Variants in RDX observed in about 807,000 individuals in gnomAD.
The protein encoded by RDX is deafness, autosomal recessive 24.
RDX carries 32 observed loss-of-function variants against 83.7 expected under a neutral mutation model. That is an observed-to-expected ratio of 0.38 (90% CI 0.29 to 0.51). RDX has a LOEUF of 0.51. Among genes scored for constraint, RDX ranks in the 20% least tolerant of loss-of-function variants. The pLI, the probability that RDX is intolerant of heterozygous loss-of-function variation, is 0.87. For synonymous variants in RDX, 229 were observed against 222.7 expected (o/e 1.03, Z -0.25); for missense variants, 600 against 689.9 (o/e 0.87, Z 1.46).
At chr11:110,222,907 C>A (rs1467256864) in intron 14 of RDX, among the ~76,000 whole-genome samples, 2 of 152,192 alleles carry the variant, frequency 1.3e-5, no homozygotes, top group Non-Finnish European at 2.9e-5. Flanking sequence ...AAATGACAAG[C>A]AGTTTAACCA....
intron 5 of RDX, among the ~76,000 whole-genome samples, chr11:110,263,173 G>A (rs1425062901): frequency 6.6e-6 from 1 of 151,938 alleles, no homozygotes; most frequent in Non-Finnish European, 1.5e-5. Flanking sequence ...TACTCGGGAG[G>A]CTGAGGCAGG....
chr11:110,227,561 G>A (rs1440117149), downstream of RDX, among the ~76,000 whole-genome samples: 1 of 152,052 alleles, frequency 6.6e-6, no homozygotes. Context: ...CAAATAACAG[G>A]AATCAACAAT....
chr11:110,220,943 C>T (rs990362908), intron 14 of RDX, among the ~76,000 whole-genome samples: 3 of 150,910 alleles, frequency 2.0e-5, no homozygotes, highest in Non-Finnish European at 2.9e-5. Context: ...ATCCCTATAC[C>T]CCTAATTTGG....
At position 110,200,126 on chromosome 11, in the gene RDX, T is replaced by G. The variant is rs768919155; in HGVS notation, c.1749-448A>C. ...TGATTAACCGAGGCATTGTTAAAGT[T>G]ATTTTCAGGTAGCAACCAGACTAAT... On this transcript the variant is annotated intron_variant, in intron 14 of 15. Coordinates refer to the RDX transcript ENST00000528498. Among the ~76,000 whole-genome samples, 136 of 152,254 alleles carry G rather than the reference T, an allele frequency of 8.9e-4. 1 individual carries two copies. Among genetic ancestry groups the G allele is most frequent in the Non-Finnish European group, 1.9e-4 (13 of 68,040 alleles).
In RDX at chr11:110,289,995, C is replaced by T. The variant is rs1013439941; in HGVS notation, c.-65+6472G>A. Among the ~76,000 whole-genome samples the T allele has an allele frequency of 4.7e-5, 5 of 106,940 alleles. No homozygotes were observed. The South Asian group carries it at 9.2e-4, about 20-fold the overall frequency. 70.2% of individuals were successfully genotyped at this position (106,940 alleles called of 152,430 possible). On this transcript the variant is annotated intron_variant, in intron 1 of 13. Transcript: ENST00000645495. ...AAAAAAAAAAAAACAAGGGTCCTTA[C>T]GTTGCATTAATGCATCCACATTATT... is the stretch of plus-strand genomic sequence containing the variant.
intron 15 of RDX, among the ~76,000 whole-genome samples, chr11:110,189,764 A>C (rs1374989816): frequency 6.6e-6 from 1 of 152,246 alleles, no homozygotes; most frequent in East Asian, 1.9e-4. Context: ...CTTTTCAGTA[A>C]ACAATGAAAT....
intron 2 of RDX, among the ~76,000 whole-genome samples, chr11:110,277,365 G>C (rs1474533307): frequency 6.6e-6 from 1 of 152,080 alleles, no homozygotes; most frequent in Non-Finnish European, 1.5e-5. Flanking sequence ...TGTCACCCAG[G>C]TTGAAGTGCA....
intron 9 of RDX, among the ~76,000 whole-genome samples, chr11:110,250,027 T>C (rs1035756476): frequency 2.0e-5 from 3 of 152,240 alleles, no homozygotes; most frequent in Admixed American, 2.0e-4. Flanking sequence ...GGGCTCACTC[T>C]GCAGGACATT....
intron 15 of RDX, among the ~76,000 whole-genome samples, chr11:110,187,570 A>T (rs1300459227): frequency 2.6e-5 from 4 of 151,786 alleles, no homozygotes; most frequent in African/African-American, 9.7e-5. Flanking sequence ...GGATGCCCCC[A>T]CTCCCTGTGC....
chr11:110,256,592 A>G (rs1010165163), intron 7 of RDX, among the ~76,000 whole-genome samples: 3 of 152,166 alleles, frequency 2.0e-5, no homozygotes, highest in Non-Finnish European at 4.4e-5. Context: ...AAAAATTAAG[A>G]AGCCAGGCAC....
chr11:110,250,467 C>T (rs183336691), intron 9 of RDX, among the ~76,000 whole-genome samples: 1 of 152,272 alleles, frequency 6.6e-6, no homozygotes, highest in East Asian at 1.9e-4. Flanking sequence ...TTCTCGAGGA[C>T]TTACACTGCA....
intron 14 of RDX, among the ~76,000 whole-genome samples, chr11:110,208,237 T>C (rs1863678456): frequency 6.6e-6 from 1 of 152,236 alleles, no homozygotes; most frequent in Non-Finnish European, 1.5e-5. Flanking sequence ...CACAAAGAAT[T>C]GACTGGTACA....
chr11:110,198,591 T>C (rs980131000), intron 15 of RDX, among the ~76,000 whole-genome samples: 7 of 152,168 alleles, frequency 4.6e-5, no homozygotes, highest in African/African-American at 1.7e-4. Context: ...TTGTGAATTG[T>C]GCATGCGAGG....
chr11:110,287,760 C>G (rs780510537), intron 1 of RDX, among the ~76,000 whole-genome samples: 4 of 152,174 alleles, frequency 2.6e-5, no homozygotes, highest in African/African-American at 9.7e-5. Context: ...CTGCCCTCCC[C>G]CTTCCTGCCC....
chr11:110,217,764 T>C (rs1864106809), intron 14 of RDX, among the ~76,000 whole-genome samples: 1 of 152,154 alleles, frequency 6.6e-6, no homozygotes, highest in Non-Finnish European at 1.5e-5. Flanking sequence ...AGATGGTACT[T>C]GTTCCTGAGG....
chr11:110,291,677 C>T (rs893901414), intron 1 of RDX, among the ~76,000 whole-genome samples: 3 of 152,144 alleles, frequency 2.0e-5, no homozygotes, highest in Non-Finnish European at 2.9e-5. Flanking sequence ...TCCACACCAC[C>T]GCTCCTGGCT....
At chr11:110,285,981 T>G (rs770313049) in intron 1 of RDX, among the ~76,000 whole-genome samples, 1 of 152,034 alleles carries the variant, frequency 6.6e-6, no homozygotes, top group Admixed American at 6.5e-5. Flanking sequence ...CAAAGACACA[T>G]ATTTATATAC....
At chr11:110,294,570 A>G (rs1454808522) in intron 1 of RDX, among the ~76,000 whole-genome samples, 1 of 152,154 alleles carries the variant, frequency 6.6e-6, no homozygotes, top group Admixed American at 6.5e-5. Context: ...TGCTTTTGGG[A>G]ACAGTGAACC....
chr11:110,180,399 G>A (rs981898571), intron 15 of RDX, among the ~76,000 whole-genome samples: 5 of 152,224 alleles, frequency 3.3e-5, no homozygotes, highest in South Asian at 2.1e-4. Context: ...CAACTTCAGC[G>A]GTCGGAATCT....
Sources: allele counts gnomAD v4.1 joint callset (sites outside exome capture counted in the v4.1 genomes callset), GRCh38; gene constraint gnomAD v4.1.1; transcripts MANE v1.5; gene names NCBI Gene and HGNC (gene_info 2026-07-23, HGNC 2026-07-21).